GANC: variants seen among roughly 807,000 people sequenced by gnomAD.
GANC encodes neutral alpha-glucosidase C.
GANC carries 117 observed loss-of-function variants against 124.2 expected under a neutral mutation model. The observed-to-expected ratio is 0.94, with a 90% CI of 0.81 to 1.10. GANC has a LOEUF of 1.10. GANC is among the 50% of genes least tolerant of loss of function. The pLI is 0.00. For missense variants in GANC, 1,140 were observed against 1,095.0 expected, an observed-to-expected ratio of 1.04 and a Z score of -0.58; for synonymous variants, 377 against 376.8, an observed-to-expected ratio of 1.00 and a Z score of -0.01.
At position 42,351,447 on chromosome 15, in the gene GANC, C is replaced by A; in HGVS notation, c.2635+15C>A. 1 of 1,535,804 alleles carries A rather than the reference C, an allele frequency of 6.5e-7. No individual in the cohort carries two copies. Among genetic ancestry groups the A allele is most frequent in the Non-Finnish European group, 9.0e-7 (1 of 1,109,128 alleles). ...CCACTCATCTGGTGAGAAAGCAGTC[C>A]ATTCTTACCTCACCATTTGTTTTTA... On this transcript the variant is annotated intron_variant, in intron 23 of 23. Coordinates refer to ENST00000318010, the MANE Select transcript of GANC (RefSeq NM_198141.3).
intron 6 of GANC, among the ~76,000 whole-genome samples, chr15:42,298,328 G>T (rs555537927): frequency 1.3e-5 from 2 of 152,242 alleles, no homozygotes; most frequent in South Asian, 4.1e-4. Flanking sequence ...AGAAAGACAC[G>T]CAGGGCAGTG....
intron 10 of GANC, among the ~76,000 whole-genome samples, chr15:42,312,114 A>G (rs2052055719): frequency 1.3e-5 from 2 of 152,246 alleles, no homozygotes; most frequent in Admixed American, 6.5e-5. Context: ...TGATTCACAG[A>G]TTCACTGCAA....
chr15:42,352,457 C>A lies in GANC; in HGVS notation c.*318C>A, dbSNP rs975039768. ...GCAGGGCTGCGTGGGTCTGTTTTAA[C>A]GTGGGCCAAGCCTACCTGGGCAGCC... On this transcript the variant is annotated 3_prime_UTR_variant, in exon 24 of 24. Transcript: ENST00000318010. 1 of 1,070,526 alleles carries A rather than the reference C, an allele frequency of 9.3e-7. No individual in the cohort carries two copies. Among genetic ancestry groups the A allele is most frequent in the Non-Finnish European group, 1.1e-6 (1 of 880,304 alleles). 66.3% of individuals were successfully genotyped at this position (1,070,526 alleles called of 1,614,324 possible). A position where few individuals can be genotyped will look rare whatever the true frequency, so the allele number is the denominator to read the frequency against.
chr15:42,287,885 A>G, intron 4 of GANC, 67 bp downstream of exon 4: 1 of 1,513,904 alleles, frequency 6.6e-7, no homozygotes. Flanking sequence ...CTTGAGTAAT[A>G]AATTTTGTTA....
At chr15:42,326,508 T>C in intron 12 of GANC, 84 bp downstream of exon 12, 1 of 1,588,576 alleles carries the variant, frequency 6.3e-7, no homozygotes, top group African/African-American at 1.3e-5. Context: ...TCTGCTCCCT[T>C]GTAGATGTCT....
Position 42,278,524 on chromosome 15 carries a change from A to G in GANC, c.135A>G (p.Ala45=). The change falls in exon 3 of 24, where the codon GCA becomes GCG. Residue 45 remains alanine, a synonymous_variant. Coordinates refer to ENST00000318010, the MANE Select transcript of GANC (RefSeq NM_198141.3). The stretch of plus-strand genomic sequence containing the variant: ...TTTCCAAGAAGTCCACCTATCAGGC[A>G]TTATTGGATTCAGTCACAACAGATG... ...QWLSKKSTYQ[A]LLDSVTTDED... 1 of 1,613,214 alleles carries G rather than the reference A, an allele frequency of 6.2e-7. No individual in the cohort carries two copies. Among genetic ancestry groups the G allele is most frequent in the Non-Finnish European group, 8.5e-7 (1 of 1,179,526 alleles).
intron 3 of GANC, among the ~76,000 whole-genome samples, chr15:42,286,737 G>A (rs1287179267): frequency 6.6e-6 from 1 of 152,108 alleles, no homozygotes; most frequent in Non-Finnish European, 1.5e-5. Context: ...GTGCTGGCTT[G>A]GTATTCTTCA....
At chr15:42,327,497 G>A (rs1252106941) in intron 13 of GANC, 55 bp downstream of exon 13, 35 of 1,316,228 alleles carry the variant, frequency 2.7e-5, no homozygotes, top group Non-Finnish European at 3.8e-5. Flanking sequence ...GAAAGAAGTG[G>A]AAAAAGTGAT....
In GANC at chr15:42,338,442, A is replaced by T; in HGVS notation, c.1795A>T (p.Ile599Phe). Residue 599 changes from isoleucine (I) to phenylalanine (F), a missense_variant, in exon 16 of 24, where the codon ATC becomes TTC. Physicochemically the swap from Ile to Phe is conservative, Grantham distance 21. Transcript: ENST00000318010. ...TAEWSNLKIS[I>F]PMLLTLSITG... The stretch of plus-strand genomic sequence containing the variant: ...AGAATGGAGCAACTTGAAAATTTCT[A>T]TCCCAATGTTACTCACTCTCAGCAT... 6.2e-7 allele frequency: 1 copy of T among 1,614,100 alleles called. No homozygotes were observed. Among genetic ancestry groups the T allele is most frequent in the South Asian group, 1.1e-5 (1 of 91,080 alleles).
At chr15:42,293,065 T>TTCACAG in intron 5 of GANC, 148 bp downstream of exon 5, 1 of 697,168 alleles carries the variant, frequency 1.4e-6, no homozygotes, top group South Asian at 2.2e-5. Flanking sequence ...CCTTTTCACC[T>TTCACAG]GTGAAGGTGA....
In GANC at chr15:42,273,650, C is replaced by T; in HGVS notation, c.-832C>T. 1 of 543,108 alleles carries T rather than the reference C, an allele frequency of 1.8e-6. No homozygotes were observed. The highest frequency in any genetic ancestry group is 3.3e-5 in the East Asian group (1 of 30,124). 33.6% of individuals were successfully genotyped at this position (543,108 alleles called of 1,614,324 possible). On this transcript the variant is annotated 5_prime_UTR_variant, in exon 1 of 24. Coordinates refer to ENST00000318010, the MANE Select transcript of GANC (RefSeq NM_198141.3). ...GAGAGATCGCTACATGCCAGCCTGG[C>T]CTGAGTCTTTTCTGTCTCCCAGCCG...
intron 6 of GANC, among the ~76,000 whole-genome samples, chr15:42,299,218 A>C (rs576230676): frequency 2.0e-5 from 3 of 152,286 alleles, no homozygotes; most frequent in South Asian, 4.1e-4. Flanking sequence ...AGTAGCTCTT[A>C]TTATTTTGAG....
At chr15:42,342,534 A>G (rs754911419) in intron 18 of GANC, among the ~76,000 whole-genome samples, 1 of 151,886 alleles carries the variant, frequency 6.6e-6, no homozygotes, top group Non-Finnish European at 1.5e-5. Flanking sequence ...GTAAGCTGTG[A>G]TTGCACTGCT....
At chr15:42,274,899 A>G (rs907542538) in intron 1 of GANC, among the ~76,000 whole-genome samples, 12 of 150,848 alleles carry the variant, frequency 8.0e-5, no homozygotes, top group Admixed American at 6.6e-4. Flanking sequence ...CCCTGTCTCC[A>G]AAAAAAAAGG....
chr15:42,315,147 A>T (rs1219445387), intron 10 of GANC, among the ~76,000 whole-genome samples: 2 of 152,214 alleles, frequency 1.3e-5, no homozygotes, highest in African/African-American at 2.4e-5. Context: ...AATCAGCTTT[A>T]TCCTAAGCAT....
intron 10 of GANC, among the ~76,000 whole-genome samples, chr15:42,312,430 A>C (rs1314572167): frequency 1.3e-5 from 2 of 151,886 alleles, no homozygotes; most frequent in Non-Finnish European, 2.9e-5. Context: ...CTGCACAAGC[A>C]CTCTCTTTGC....
At chr15:42,350,020 C>A (rs112583374) in intron 22 of GANC, among the ~76,000 whole-genome samples, 13,101 of 131,646 alleles carry the variant, frequency 0.1, 754 homozygotes, top group South Asian at 0.19. Context: ...TTCTTTCCCC[C>A]ACTTTTTTTT....
chr15:42,349,596 A>G (rs1237444120), intron 22 of GANC, 101 bp downstream of exon 22: 5 of 736,034 alleles, frequency 6.8e-6, no homozygotes, highest in African/African-American at 1.8e-5. Context: ...GTTACTATTT[A>G]AAGAAATGAA....
chr15:42,314,686 A>G (rs528248475), intron 10 of GANC: 1 of 153,022 alleles, frequency 6.5e-6, no homozygotes, highest in Non-Finnish European at 1.5e-5. Flanking sequence ...GTATCGTTTT[A>G]ATATATTAGT....
Sources: allele counts gnomAD v4.1 joint callset (sites outside exome capture counted in the v4.1 genomes callset), GRCh38; gene constraint gnomAD v4.1.1; transcripts MANE v1.5; gene names NCBI Gene and HGNC (gene_info 2026-07-23, HGNC 2026-07-21).